The following COL25A1 variants were observed in gnomAD, a reference collection of about 807,000 sequenced individuals.
COL25A1 encodes collagen alpha-1(XXV) chain.
A neutral mutation model predicts 128.4 loss-of-function variants in COL25A1; 103 were observed. That is an observed-to-expected ratio of 0.80 (90% CI 0.68 to 0.94). COL25A1 has a LOEUF of 0.94. Ranked by LOEUF, COL25A1 falls within the 40% of genes least tolerant of loss-of-function variation. The pLI, the probability that COL25A1 is intolerant of heterozygous loss-of-function variation, is 0.00. For missense variants in COL25A1, 745 were observed against 840.0 expected, an observed-to-expected ratio of 0.89 and a Z score of 1.40; for synonymous variants, 279 against 277.2, an observed-to-expected ratio of 1.01 and a Z score of -0.06.
At chr4:109,096,417 C>A (rs1045377712) in intron 3 of COL25A1, among the ~76,000 whole-genome samples, 1 of 152,122 alleles carries the variant, frequency 6.6e-6, no homozygotes, top group African/African-American at 2.4e-5. Flanking sequence ...TGTTTAGATA[C>A]ACAAATACCT....
chr4:109,192,999 G>A (rs1775745189), intron 3 of COL25A1, among the ~76,000 whole-genome samples: 1 of 152,086 alleles, frequency 6.6e-6, no homozygotes, highest in Non-Finnish European at 1.5e-5. Context: ...TCCTGATCTT[G>A]GACTTCTAGC....
At chr4:109,250,534 C>G (rs1003169251) in intron 3 of COL25A1, among the ~76,000 whole-genome samples, 3 of 152,182 alleles carry the variant, frequency 2.0e-5, no homozygotes, top group African/African-American at 7.2e-5. Context: ...GTCTTAAGAA[C>G]TGAGAACGAA....
At chr4:108,933,796 C>G (rs372984236) in intron 11 of COL25A1, among the ~76,000 whole-genome samples, 1 of 152,042 alleles carries the variant, frequency 6.6e-6, no homozygotes, top group East Asian at 1.9e-4. Context: ...TCATACACCA[C>G]TAAGTAGTTC....
chr4:109,166,280 T>A (rs761058589), intron 3 of COL25A1, among the ~76,000 whole-genome samples: 11 of 152,234 alleles, frequency 7.2e-5, no homozygotes, highest in Non-Finnish European at 1.3e-4. Context: ...ATTGTCTCCA[T>A]CTCCTTTCTT....
intron 22 of COL25A1, 67 bp from the exon 23 acceptor site, chr4:108,861,038 C>T: frequency 7.4e-7 from 1 of 1,351,796 alleles, no homozygotes; most frequent in Non-Finnish European, 1.1e-6. Flanking sequence ...CGTGTAAGAA[C>T]ATGTTTATGC....
At chr4:109,291,013 G>A (rs1051235073) in intron 3 of COL25A1, among the ~76,000 whole-genome samples, 1 of 152,100 alleles carries the variant, frequency 6.6e-6, no homozygotes, top group Non-Finnish European at 1.5e-5. Context: ...CTTCCTTGAA[G>A]TCCATACTTT....
intron 5 of COL25A1, among the ~76,000 whole-genome samples, chr4:109,031,441 A>G (rs1758859437): frequency 6.6e-6 from 1 of 152,120 alleles, no homozygotes; most frequent in South Asian, 2.1e-4. Flanking sequence ...TTTTAAAAAA[A>G]AAGAATTTAC....
At chr4:108,996,726 C>T (rs533678452) in intron 6 of COL25A1, among the ~76,000 whole-genome samples, 7 of 152,208 alleles carry the variant, frequency 4.6e-5, no homozygotes, top group Non-Finnish European at 8.8e-5. Flanking sequence ...ATAATTGATA[C>T]TAAAACACTC....
At chr4:109,143,371 T>TGTGTG (rs1250501861) in intron 3 of COL25A1, among the ~76,000 whole-genome samples, 1 of 152,148 alleles carries the variant, frequency 6.6e-6, no homozygotes, top group African/African-American at 2.4e-5. Flanking sequence ...TTGAATCTGA[T>TGTGTG]AATTATGTGT....
At position 108,808,866 on chromosome 4, in the gene COL25A1, C is replaced by T. The variant is rs1013468273; in HGVS notation, c.*5061G>A. ...AATAATTCTGAAGATCAACTTCTCA[C>T]AAACTAGGAACCCTGAAAACAAATT... On this transcript the variant is annotated 3_prime_UTR_variant, in exon 38 of 38. Transcript: ENST00000399132. 3 of 152,086 alleles carry T rather than the reference C, an allele frequency of 2.0e-5. No individual in the cohort carries two copies. The highest frequency in any genetic ancestry group is 4.8e-5 in the African/African-American group (2 of 41,428). 9.4% of individuals were successfully genotyped at this position (152,086 alleles called of 1,614,324 possible). A position where few individuals can be genotyped will look rare whatever the true frequency, so the allele number is the denominator to read the frequency against.
chr4:109,268,243 T>C (rs1265396537), intron 3 of COL25A1, among the ~76,000 whole-genome samples: 2 of 152,336 alleles, frequency 1.3e-5, no homozygotes, highest in South Asian at 2.1e-4. Flanking sequence ...AATCTGAACA[T>C]TTTCCTTTTT....
At chr4:109,125,969 A>T (rs1168315513) in intron 3 of COL25A1, among the ~76,000 whole-genome samples, 1 of 152,056 alleles carries the variant, frequency 6.6e-6, no homozygotes. Flanking sequence ...GTGGGAAGAG[A>T]TATACATAAT....
At chr4:108,868,680 G>GGAAGGGAAGC (rs1455902278) in intron 20 of COL25A1, among the ~76,000 whole-genome samples, 1 of 141,700 alleles carries the variant, frequency 7.1e-6, no homozygotes, top group African/African-American at 2.6e-5. Flanking sequence ...GGAAGGAAAG[G>GGAAGGGAAGC]GAAGGGAAGC....
chr4:109,121,208 G>A (rs908134766), intron 3 of COL25A1, among the ~76,000 whole-genome samples: 2 of 152,068 alleles, frequency 1.3e-5, no homozygotes, highest in African/African-American at 4.8e-5. Flanking sequence ...GATAACACAG[G>A]AGAAATCATA....
At chr4:109,127,713 C>G (rs1466171470) in intron 3 of COL25A1, among the ~76,000 whole-genome samples, 1 of 152,056 alleles carries the variant, frequency 6.6e-6, no homozygotes, top group Non-Finnish European at 1.5e-5. Flanking sequence ...GCTAAGTGGG[C>G]TAAAAATCAG....
intron 13 of COL25A1, among the ~76,000 whole-genome samples, chr4:108,916,878 C>T (rs183967898): frequency 6.6e-6 from 1 of 152,222 alleles, no homozygotes; most frequent in East Asian, 1.9e-4. Flanking sequence ...GACTAAAGGA[C>T]ACCATAAGCT....
At chr4:109,065,675 C>T (rs1241902040) in intron 3 of COL25A1, among the ~76,000 whole-genome samples, 1 of 151,470 alleles carries the variant, frequency 6.6e-6, no homozygotes, top group Non-Finnish European at 1.5e-5. Flanking sequence ...CCAAAAATAT[C>T]TAATATTAAT....
intron 3 of COL25A1, among the ~76,000 whole-genome samples, chr4:109,202,700 G>C (rs1178052363): frequency 6.6e-6 from 1 of 151,980 alleles, no homozygotes. Flanking sequence ...CCACATACTG[G>C]GAAAAATATT....
chr4:109,231,587 G>A (rs1397820903), intron 3 of COL25A1, among the ~76,000 whole-genome samples: 1 of 152,096 alleles, frequency 6.6e-6, no homozygotes. Context: ...AATCAAACAA[G>A]GCCATTTGAG....
Sources: allele counts gnomAD v4.1 joint callset (sites outside exome capture counted in the v4.1 genomes callset), GRCh38; gene constraint gnomAD v4.1.1; transcripts MANE v1.5; gene names NCBI Gene and HGNC (gene_info 2026-07-23, HGNC 2026-07-21).